Variants in ARHGEF28 observed in about 807,000 individuals in gnomAD.
The protein encoded by ARHGEF28 is 190 kDa guanine nucleotide exchange factor.
A neutral mutation model predicts 206.6 loss-of-function variants in ARHGEF28; 152 were observed. That is an observed-to-expected ratio of 0.74 (90% CI 0.64 to 0.84). The LOEUF (loss-of-function observed/expected upper bound fraction) is 0.84. ARHGEF28 is among the 40% of genes least tolerant of loss of function. The pLI, the probability that ARHGEF28 is intolerant of heterozygous loss-of-function variation, is 0.00. For synonymous variants in ARHGEF28, 763 were observed against 776.4 expected, an observed-to-expected ratio of 0.98 and a Z score of 0.29; for missense variants, 2,028 against 2,073.2, an observed-to-expected ratio of 0.98 and a Z score of 0.42.
intron 35 of ARHGEF28, among the ~76,000 whole-genome samples, chr5:73,924,597 G>T (rs558358170): frequency 6.6e-6 from 1 of 152,194 alleles, no homozygotes; most frequent in African/African-American, 2.4e-5. Flanking sequence ...TTCTAAAGTG[G>T]TTGCTCTGGG....
intron 9 of ARHGEF28, among the ~76,000 whole-genome samples, chr5:73,796,608 G>C (rs747531804): frequency 3.1e-4 from 47 of 152,226 alleles, no homozygotes; most frequent in African/African-American, 1.1e-3. Flanking sequence ...TTGGTTGATG[G>C]TGTTGCTAGT....
At chr5:73,923,193 T>C (rs1467069623) in intron 35 of ARHGEF28, 4 of 1,523,218 alleles carry the variant, frequency 2.6e-6, no homozygotes, top group Non-Finnish European at 3.5e-6. Flanking sequence ...TGCTTAGCCT[T>C]CTTTTAGGGT....
In ARHGEF28 at chr5:73,716,129, A is replaced by AT. The variant is rs111598829; in HGVS notation, c.33+31255dup. Among the ~76,000 whole-genome samples, 1,417 of 150,614 alleles carry AT rather than the reference A, an allele frequency of 9.4e-3. 19 individuals are homozygous for AT. Among genetic ancestry groups the AT allele is most frequent in the African/African-American group, 0.03 (1,222 of 41,152 alleles). ...GTTAAAAACTATCCAGGGAAGACTAATTTTTTTTTTATGACAAGCTGTAAT... is the reference window on the plus strand; with the variant it reads ...GTTAAAAACTATCCAGGGAAGACTAATTTTTTTTTTTATGACAAGCTGTAAT... On this transcript the variant is annotated intron_variant, in intron 2 of 35. Coordinates refer to ENST00000513042, the MANE Select transcript of ARHGEF28 (RefSeq NM_001177693.2).
At chr5:73,750,464 C>T (rs56258372) in intron 3 of ARHGEF28, among the ~76,000 whole-genome samples, 18,065 of 151,848 alleles carry the variant, frequency 0.12, 2,475 homozygotes, top group African/African-American at 0.34. Context: ...GGGTTCTTTC[C>T]TTGATGCCCT....
At chr5:73,757,771 G>A (rs960209863) in intron 4 of ARHGEF28, among the ~76,000 whole-genome samples, 3 of 152,152 alleles carry the variant, frequency 2.0e-5, no homozygotes, top group African/African-American at 7.2e-5. Context: ...TTATGAAATA[G>A]CATTCATAAT....
intron 10 of ARHGEF28, among the ~76,000 whole-genome samples, chr5:73,834,833 G>T (rs1757523905): frequency 6.6e-6 from 1 of 152,050 alleles, no homozygotes; most frequent in Non-Finnish European, 1.5e-5. Flanking sequence ...ATACTAGCAG[G>T]TTTGTGTTAG....
At chr5:73,887,220 A>G (rs977437716) in intron 25 of ARHGEF28, among the ~76,000 whole-genome samples, 2 of 152,228 alleles carry the variant, frequency 1.3e-5, no homozygotes, top group African/African-American at 4.8e-5. Context: ...GCTCAGATCT[A>G]GATGAAACAA....
rs774870306 is a variant in ARHGEF28 at position 73,780,753 on chromosome 5, T to A, written c.910+8T>A. 6.4e-7 allele frequency: 1 copy of A among 1,554,528 alleles called. No homozygotes were observed. The highest frequency in any genetic ancestry group is 8.7e-7 in the Non-Finnish European group (1 of 1,148,686). ...GTGCAGAAACTGAAGAAGGTACGCATGCTCCTTTCCCACTTATGGCAGCCA... is the reference window on the plus strand; with the variant it reads ...GTGCAGAAACTGAAGAAGGTACGCAAGCTCCTTTCCCACTTATGGCAGCCA... On this transcript the variant is annotated splice_region_variant and intron_variant, in intron 7 of 35. Transcript: ENST00000513042.
At chr5:73,782,844 CT>C (rs914373447) in intron 7 of ARHGEF28, among the ~76,000 whole-genome samples, 2 of 152,310 alleles carry the variant, frequency 1.3e-5, no homozygotes, top group East Asian at 1.9e-4. Context: ...TTCTAGCTTT[CT>C]GATAAACTTG....
intron 2 of ARHGEF28, among the ~76,000 whole-genome samples, chr5:73,739,954 G>A (rs956823427): frequency 1.3e-5 from 2 of 150,476 alleles, no homozygotes; most frequent in African/African-American, 4.9e-5. Context: ...GGTCATTTGA[G>A]GCCCAGGAGT....
At chr5:73,661,725 G>A (rs2112191894) in intron 1 of ARHGEF28, among the ~76,000 whole-genome samples, 1 of 152,136 alleles carries the variant, frequency 6.6e-6, no homozygotes, top group South Asian at 2.1e-4. Context: ...GCCAGATGGT[G>A]GAGCAGACAG....
At chr5:73,864,230 C>T (rs1056713399) in intron 16 of ARHGEF28, among the ~76,000 whole-genome samples, 1 of 152,142 alleles carries the variant, frequency 6.6e-6, no homozygotes, top group Non-Finnish European at 1.5e-5. Flanking sequence ...CCCTTACATT[C>T]TTCCAGTGAG....
At chr5:73,899,861 C>A (rs1245326850) in intron 30 of ARHGEF28, 1 of 152,222 alleles carries the variant, frequency 6.6e-6, no homozygotes, top group Non-Finnish European at 1.5e-5. Flanking sequence ...GGGACAGGGA[C>A]CTGATCTGTG....
intron 9 of ARHGEF28, among the ~76,000 whole-genome samples, chr5:73,831,354 G>T (rs1373460410): frequency 6.6e-6 from 1 of 152,254 alleles, no homozygotes; most frequent in Admixed American, 6.5e-5. Context: ...TATTGCCTTT[G>T]ACTCTTCATT....
intron 9 of ARHGEF28, among the ~76,000 whole-genome samples, chr5:73,799,372 T>C (rs1755003455): frequency 6.6e-6 from 1 of 152,214 alleles, no homozygotes; most frequent in Non-Finnish European, 1.5e-5. Context: ...CAAACTCTAC[T>C]TTTAAGAGGT....
intron 4 of ARHGEF28, among the ~76,000 whole-genome samples, chr5:73,762,118 C>T (rs569990515): frequency 6.6e-6 from 1 of 151,806 alleles, no homozygotes; most frequent in East Asian, 2.0e-4. Context: ...AGGAATGAGC[C>T]ACCACACCTG....
At position 73,932,365 on chromosome 5, in the gene ARHGEF28, G is replaced by A. The variant is rs75625510; in HGVS notation, c.4949-8479G>A. Among the ~76,000 whole-genome samples the A allele has an allele frequency of 6.3e-4, 96 of 152,226 alleles. No homozygotes were observed. In the East Asian group the frequency reaches 0.015, roughly 24 times the overall value. On this transcript the variant is annotated intron_variant, in intron 35 of 35. Coordinates refer to ENST00000513042, the MANE Select transcript of ARHGEF28 (RefSeq NM_001177693.2). ...TCATCTGTGACACAGCCTATAATTT[G>A]GGTAAATCTATGGGAGTGAATGTCA...
At chr5:73,788,015 T>C (rs972217162) in intron 7 of ARHGEF28, among the ~76,000 whole-genome samples, 51 of 152,296 alleles carry the variant, frequency 3.3e-4, no homozygotes, top group African/African-American at 1.1e-3. Flanking sequence ...AAACCCACTG[T>C]ATGTTTGAGC....
intron 1 of ARHGEF28, among the ~76,000 whole-genome samples, chr5:73,631,602 T>C (rs1743368839): frequency 1.3e-5 from 2 of 152,162 alleles, no homozygotes; most frequent in South Asian, 2.1e-4. Context: ...TCCTAATCTT[T>C]AGGTGTTTCT....
Sources: allele counts gnomAD v4.1 joint callset (sites outside exome capture counted in the v4.1 genomes callset), GRCh38; gene constraint gnomAD v4.1.1; transcripts MANE v1.5; gene names NCBI Gene and HGNC (gene_info 2026-07-23, HGNC 2026-07-21).